The following PCDHA11 variants were observed in gnomAD, a reference collection of about 807,000 sequenced individuals.
The protein encoded by PCDHA11 is protocadherin alpha 11.
Under a neutral mutation model 70.3 loss-of-function variants are expected in PCDHA11, and 61 were observed. The observed-to-expected ratio is 0.87, with a 90% CI of 0.71 to 1.07. The LOEUF is 1.07. Among genes scored for constraint, PCDHA11 ranks in the 50% least tolerant of loss-of-function variants. PCDHA11 has a pLI of 0.00. For missense variants in PCDHA11, 1,324 were observed against 1,237.5 expected, an observed-to-expected ratio of 1.07 and a Z score of -1.05; for synonymous variants, 633 against 555.1, an observed-to-expected ratio of 1.14 and a Z score of -1.97.
At chr5:140,965,239 G>C (rs7722865) in intron 1 of PCDHA11, among the ~76,000 whole-genome samples, 9,112 of 152,230 alleles carry the variant, frequency 0.06, 825 homozygotes, top group African/African-American at 0.2. Context: ...CCTGGGAAGA[G>C]TGAATATTCA....
chr5:140,882,505 G>A (rs782409687), intron 1 of PCDHA11: 13 of 1,614,168 alleles, frequency 8.1e-6, no homozygotes, highest in South Asian at 2.2e-5. Flanking sequence ...AGGTAAATCT[G>A]CAGAATGGCA....
In PCDHA11 at chr5:140,868,978, C is replaced by T; in HGVS notation, c.-126C>T. 2 of 1,484,292 alleles carry T rather than the reference C, an allele frequency of 1.3e-6. No individual in the cohort carries two copies. The highest frequency in any genetic ancestry group is 1.8e-6 in the Non-Finnish European group (2 of 1,110,474). 91.9% of individuals were successfully genotyped at this position (1,484,292 alleles called of 1,614,324 possible). ...TCCCATACAAAGGAACTCCATCATA[C>T]CGGATGCCACCGTTTAAGGATCCTT... On this transcript the variant is annotated 5_prime_UTR_variant, in exon 1 of 4. Coordinates refer to ENST00000398640, the MANE Select transcript of PCDHA11 (RefSeq NM_018902.5).
chr5:140,942,629 A>C (rs1401408646), intron 1 of PCDHA11, among the ~76,000 whole-genome samples: 1 of 152,076 alleles, frequency 6.6e-6, no homozygotes, highest in Non-Finnish European at 1.5e-5. Flanking sequence ...TAAAAAAAAA[A>C]ATGGCAAAAG....
At chr5:140,915,445 G>C (rs2077121673) in intron 1 of PCDHA11, among the ~76,000 whole-genome samples, 1 of 152,024 alleles carries the variant, frequency 6.6e-6, no homozygotes, top group Non-Finnish European at 1.5e-5. Context: ...TTCTTGAGAA[G>C]GTTTTCCAGA....
At chr5:140,992,188 T>C (rs1193005639) in intron 3 of PCDHA11, among the ~76,000 whole-genome samples, 6 of 152,140 alleles carry the variant, frequency 3.9e-5, no homozygotes, top group African/African-American at 1.4e-4. Flanking sequence ...ATGCTTTCAG[T>C]GATCTATCCA....
At chr5:140,876,649 G>A (rs372867848) in intron 1 of PCDHA11, 6 of 1,614,222 alleles carry the variant, frequency 3.7e-6, no homozygotes, top group Non-Finnish European at 5.1e-6. Flanking sequence ...GACACCTCAT[G>A]TTCCCTTCAA....
At chr5:140,896,113 T>G (rs10053583) in intron 1 of PCDHA11, among the ~76,000 whole-genome samples, 1 of 152,170 alleles carries the variant, frequency 6.6e-6, no homozygotes, top group East Asian at 1.9e-4. Flanking sequence ...GCCTGGCCAA[T>G]GTACTGCATT....
chr5:140,970,141 G>T, intron 1 of PCDHA11, among the ~76,000 whole-genome samples: 1 of 152,166 alleles, frequency 6.6e-6, no homozygotes, highest in East Asian at 1.9e-4. Context: ...AAGGGAAAAA[G>T]AATTCTCCCA....
intron 1 of PCDHA11, among the ~76,000 whole-genome samples, chr5:140,874,496 T>G (rs1352627184): frequency 3.9e-5 from 6 of 152,214 alleles, no homozygotes; most frequent in African/African-American, 1.4e-4. Context: ...TGATATCAAG[T>G]TCACATTCTC....
At chr5:140,949,682 A>T (rs1229666281) in intron 1 of PCDHA11, among the ~76,000 whole-genome samples, 3 of 151,768 alleles carry the variant, frequency 2.0e-5, no homozygotes, top group Non-Finnish European at 4.4e-5. Context: ...CCCTTGTTGA[A>T]GCGTATTGTT....
chr5:140,875,651 T>C lies in PCDHA11; in HGVS notation c.2391+4157T>C, dbSNP rs782085221. 1.4e-5 allele frequency: 23 copies of C among 1,613,722 alleles called. No homozygotes were observed. The East Asian group carries it at 5.1e-4, about 36-fold the overall frequency. On this transcript the variant is annotated intron_variant, in intron 1 of 3. Transcript: ENST00000398640. The stretch of plus-strand genomic sequence containing the variant: ...CTGGGGCTGGAGCTGGCGGAGCTGG[T>C]GCCGCGCCTGTTCCGGGTGGCGTCC...
chr5:141,004,528 C>T (rs2098169666), intron 3 of PCDHA11, among the ~76,000 whole-genome samples: 1 of 152,230 alleles, frequency 6.6e-6, no homozygotes, highest in Non-Finnish European at 1.5e-5. Flanking sequence ...CCAATACACA[C>T]AGCCATTAAT....
intron 1 of PCDHA11, among the ~76,000 whole-genome samples, chr5:140,904,227 C>G (rs1373458999): frequency 2.6e-5 from 4 of 151,978 alleles, no homozygotes; most frequent in Middle Eastern, 3.2e-3. Context: ...TTGTATTATA[C>G]TTATGCCTTT....
At chr5:140,912,312 T>C (rs2075860793) in intron 1 of PCDHA11, among the ~76,000 whole-genome samples, 1 of 151,960 alleles carries the variant, frequency 6.6e-6, no homozygotes, top group African/African-American at 2.4e-5. Flanking sequence ...TCCAGTCAAG[T>C]TGACCCTCAG....
intron 1 of PCDHA11, chr5:140,883,058 C>T (rs782098362): frequency 6.2e-7 from 1 of 1,614,074 alleles, no homozygotes; most frequent in Admixed American, 1.7e-5. Flanking sequence ...AGTGATCAAG[C>T]TAAATGCCAC....
At chr5:140,899,400 AG>A (rs1331352997) in intron 1 of PCDHA11, among the ~76,000 whole-genome samples, 2 of 152,132 alleles carry the variant, frequency 1.3e-5, no homozygotes, top group Non-Finnish European at 2.9e-5. Context: ...TTTAGCATGA[AG>A]GGTTGTTGAA....
At chr5:140,990,130 G>A (rs1448603304) in intron 3 of PCDHA11, among the ~76,000 whole-genome samples, 1 of 152,066 alleles carries the variant, frequency 6.6e-6, no homozygotes, top group Admixed American at 6.6e-5. Flanking sequence ...GTAGAAGTCA[G>A]ACTCAAGAGG....
intron 1 of PCDHA11, among the ~76,000 whole-genome samples, chr5:140,954,639 T>A (rs1433862413): frequency 6.6e-6 from 1 of 152,240 alleles, no homozygotes; most frequent in East Asian, 1.9e-4. Flanking sequence ...TCTTGTAAAT[T>A]TGTTTAAGTT....
chr5:140,939,900 A>G (rs916984176), intron 1 of PCDHA11, among the ~76,000 whole-genome samples: 5 of 152,150 alleles, frequency 3.3e-5, no homozygotes, highest in Admixed American at 3.3e-4. Flanking sequence ...AATATTCTGC[A>G]TTCTTTTTTA....
Sources: gnomAD v4.1 joint callset for allele counts (sites outside exome capture counted in the v4.1 genomes callset) on GRCh38, gnomAD v4.1.1 for gene constraint, MANE v1.5 for transcripts, NCBI Gene and HGNC (gene_info 2026-07-23, HGNC 2026-07-21) for gene names.